DEPDC5: variants seen among roughly 807,000 people sequenced by gnomAD.
The protein encoded by DEPDC5 is GATOR1 complex protein DEPDC5.
DEPDC5 carries 73 observed loss-of-function variants against 217.3 expected under a neutral mutation model. That is an observed-to-expected ratio of 0.34 (90% CI 0.28 to 0.41). The LOEUF (loss-of-function observed/expected upper bound fraction) is 0.41. Among genes scored for constraint, DEPDC5 ranks in the 10% least tolerant of loss-of-function variants. DEPDC5 has a pLI of 1.00. For missense variants in DEPDC5, 1,675 were observed against 2,070.1 expected (o/e 0.81, Z 3.70); for synonymous variants, 733 against 756.7 (o/e 0.97, Z 0.51).
intron 7 of DEPDC5, among the ~76,000 whole-genome samples, chr22:31,770,468 C>T (rs557042007): frequency 4.6e-5 from 7 of 151,264 alleles, no homozygotes; most frequent in African/African-American, 1.5e-4. Context: ...GCAGCCTCTA[C>T]CTCCTGATTT....
At chr22:31,823,719 C>G (rs2089916490) in intron 24 of DEPDC5, among the ~76,000 whole-genome samples, 1 of 151,860 alleles carries the variant, frequency 6.6e-6, no homozygotes. Flanking sequence ...GTCTTATCAC[C>G]CCAGTGGGTG....
chr22:31,849,345 T>C (rs1470255761), intron 31 of DEPDC5, among the ~76,000 whole-genome samples: 1 of 152,148 alleles, frequency 6.6e-6, no homozygotes, highest in South Asian at 2.1e-4. Flanking sequence ...GGAAAGAGGT[T>C]TAATTGACTC....
rs2149449183 is a variant in DEPDC5 at position 31,906,306 on chromosome 22, G to A, written c.4621G>A (p.Glu1541Lys). Reference sequence around the variant, plus strand: ...CTCCACCAACCAGAACATGTTCTGCGAGGAGCGGGTCGGCTACAACTGGGC... The same window carrying A: ...CTCCACCAACCAGAACATGTTCTGCAAGGAGCGGGTCGGCTACAACTGGGC... Reference protein sequence around the residue: ...TSSTNQNMFCEERVGYNWAYN... With the variant: ...TSSTNQNMFCKERVGYNWAYN... The change falls in exon 43 of 43, where the codon GAG becomes AAG. Residue 1541 changes from glutamate (E) to lysine (K), a missense_variant. Glu to Lys is a moderately conservative substitution (Grantham distance 56, BLOSUM62 1). Around this residue, in one of 11 missense-constraint regions of DEPDC5, gnomAD observed 42 missense variants for 27.7 expected, o/e 1.51. Coordinates refer to ENST00000651528, the MANE Select transcript of DEPDC5 (RefSeq NM_001242896.3). The surrounding 1 kb of genome is among the most constrained non-coding windows in gnomAD (Gnocchi z 5.1). The A allele has an allele frequency of 1.9e-6, 3 of 1,613,980 alleles. No individual in the cohort carries two copies. The highest frequency in any genetic ancestry group is 2.5e-6 in the Non-Finnish European group (3 of 1,179,934).
chr22:31,813,301 T>C (rs1462120716), intron 20 of DEPDC5, among the ~76,000 whole-genome samples: 1 of 152,112 alleles, frequency 6.6e-6, no homozygotes, highest in Non-Finnish European at 1.5e-5. Context: ...TAGTTCAAGA[T>C]TGATTTTCTT....
chr22:31,876,174 G>A lies in DEPDC5; in HGVS notation c.3714G>A (p.Gln1238=). 1.2e-6 allele frequency: 2 copies of A among 1,614,050 alleles called. No individual in the cohort carries two copies. Among genetic ancestry groups the A allele is most frequent in the Non-Finnish European group, 1.7e-6 (2 of 1,179,996 alleles). ...IDIMQKMLEE[Q]LITHASGEAW... is the part of the protein sequence containing the mutation. ...TCTCCTAGAAAATGCTGGAAGAGCA[G>A]CTCATCACACATGCATCTGGCGAAG... The change falls in exon 37 of 43, where the codon CAG becomes CAA. Residue 1238 remains glutamine, a synonymous_variant. Transcript: ENST00000651528.
intron 33 of DEPDC5, among the ~76,000 whole-genome samples, chr22:31,868,907 T>A (rs2092761191): frequency 6.6e-6 from 1 of 152,168 alleles, no homozygotes; most frequent in African/African-American, 2.4e-5. Flanking sequence ...CTTTGATGCA[T>A]GCTGCTGGGC....
chr22:31,803,660 T>C (rs914167863), intron 15 of DEPDC5, among the ~76,000 whole-genome samples: 1 of 151,942 alleles, frequency 6.6e-6, no homozygotes, highest in African/African-American at 2.4e-5. Flanking sequence ...GCAGTAGAAT[T>C]GCTTGAACCC....
intron 38 of DEPDC5, chr22:31,891,354 T>G: frequency 3.0e-6 from 1 of 329,392 alleles, no homozygotes; most frequent in Admixed American, 4.8e-5. Flanking sequence ...TTCAATTAAT[T>G]TAGCTCAGCA....
chr22:31,810,128 A>C (rs1414008318), intron 19 of DEPDC5, among the ~76,000 whole-genome samples: 5 of 152,228 alleles, frequency 3.3e-5, no homozygotes. Context: ...CGCCATCTGC[A>C]AATTGAAAAA....
chr22:31,758,520 C>T (rs1422964732), intron 2 of DEPDC5, 26 bp from the exon 3 acceptor site: 1 of 1,607,702 alleles, frequency 6.2e-7, no homozygotes, highest in Non-Finnish European at 8.5e-7. Context: ...TGTTTTTCTA[C>T]TTGAAGTGGC....
intron 6 of DEPDC5, among the ~76,000 whole-genome samples, chr22:31,767,875 A>G (rs1014915097): frequency 7.3e-5 from 11 of 151,294 alleles, no homozygotes; most frequent in African/African-American, 2.7e-4. Flanking sequence ...CCTCCCGAGT[A>G]GCTGGGATTA....
intron 7 of DEPDC5, among the ~76,000 whole-genome samples, chr22:31,772,970 C>T (rs749283807): frequency 1.3e-5 from 2 of 151,692 alleles, no homozygotes; most frequent in Admixed American, 6.6e-5. Flanking sequence ...TTAGTAGACA[C>T]GGGGTCTTGC....
In DEPDC5 at chr22:31,810,409, G is replaced by C. The variant is rs553626031; in HGVS notation, c.1325-112G>C. The C allele has an allele frequency of 3.3e-5, 49 of 1,494,074 alleles. No individual in the cohort carries two copies. In the East Asian group the frequency reaches 1.1e-3, roughly 34 times the overall value. The allele number at this position is 1,494,074 out of a possible 1,614,324, so 92.6% of individuals were successfully genotyped here. A position where few individuals can be genotyped will look rare whatever the true frequency, so the allele number is the denominator to read the frequency against. On this transcript the variant is annotated intron_variant, in intron 19 of 42. Coordinates refer to ENST00000651528, the MANE Select transcript of DEPDC5 (RefSeq NM_001242896.3). Reference sequence around the variant, plus strand: ...AGATTTTGGTGAAGATTATCTGAAGGCCTCTGTTTGAAATGTATTTGGATG... The same window carrying C: ...AGATTTTGGTGAAGATTATCTGAAGCCCTCTGTTTGAAATGTATTTGGATG...
At chr22:31,846,712 T>C in intron 30 of DEPDC5, 122 bp from the exon 31 acceptor site, 1 of 1,394,930 alleles carries the variant, frequency 7.2e-7, no homozygotes, top group Non-Finnish European at 9.9e-7. Context: ...AGAACCTGTG[T>C]TCCTTGACCC....
chr22:31,864,381 C>T (rs1471394824), intron 33 of DEPDC5, among the ~76,000 whole-genome samples: 5 of 151,206 alleles, frequency 3.3e-5, no homozygotes, highest in Admixed American at 3.3e-4. Context: ...GCTGGGATTA[C>T]AGGCAGGAGC....
chr22:31,855,046 C>T lies in DEPDC5; in HGVS notation c.3156-2399C>T, dbSNP rs568322789. On this transcript the variant is annotated intron_variant, in intron 31 of 42. Transcript: ENST00000651528. ...GTGGCACAATCTCGGCTCACTGCAA[C>T]CTCTGCCTCCCAGGTTCAAGCGATT... is the stretch of plus-strand genomic sequence containing the variant. Among the ~76,000 whole-genome samples, 5 of 150,582 alleles carry T rather than the reference C, an allele frequency of 3.3e-5. No individual in the cohort carries two copies. The East Asian group carries it at 9.9e-4, about 30-fold the overall frequency.
chr22:31,827,750 T>C (rs2041635398), intron 24 of DEPDC5, among the ~76,000 whole-genome samples: 2 of 152,198 alleles, frequency 1.3e-5, no homozygotes, highest in African/African-American at 4.8e-5. Flanking sequence ...TAGATCAGGC[T>C]CACTCTGAAT....
intron 7 of DEPDC5, among the ~76,000 whole-genome samples, chr22:31,772,948 A>G (rs1360049695): frequency 6.6e-6 from 1 of 150,746 alleles, no homozygotes; most frequent in Non-Finnish European, 1.5e-5. Context: ...TGCCCAGCTA[A>G]TTTTTGTTTT....
intron 41 of DEPDC5, among the ~76,000 whole-genome samples, chr22:31,904,753 AG>A (rs1480598334): frequency 6.6e-6 from 1 of 152,234 alleles, no homozygotes; most frequent in Admixed American, 6.5e-5. Flanking sequence ...GATTTTGCAA[AG>A]GCAAAATCCA....
Sources: gnomAD v4.1 joint callset for allele counts (sites outside exome capture counted in the v4.1 genomes callset) on GRCh38, gnomAD v4.1.1 for gene constraint, gnomAD v4.1.1 regional missense constraint, Gnocchi (gnomAD v3.1) non-coding constraint, MANE v1.5 for transcripts, NCBI Gene and HGNC (gene_info 2026-07-23, HGNC 2026-07-21) for gene names.